Variants in SCMH1 observed in about 807,000 individuals in gnomAD.
SCMH1 encodes Scm polycomb group protein homolog 1.
Under a neutral mutation model 70.8 loss-of-function variants are expected in SCMH1, and 37 were observed. The observed-to-expected ratio is 0.52, with a 90% CI of 0.40 to 0.69. SCMH1 has a LOEUF of 0.69. SCMH1 is among the 30% of genes least tolerant of loss of function. SCMH1 has a pLI of 0.00. For synonymous variants in SCMH1, 292 were observed against 307.4 expected, an observed-to-expected ratio of 0.95 and a Z score of 0.52; for missense variants, 607 against 827.3, an observed-to-expected ratio of 0.73 and a Z score of 3.27.
At chr1:41,183,914 G>T (rs1023509390) in intron 2 of SCMH1, among the ~76,000 whole-genome samples, 3 of 152,058 alleles carry the variant, frequency 2.0e-5, no homozygotes, top group Non-Finnish European at 4.4e-5. Context: ...AGATTTACCA[G>T]TTCAGTCATG....
At chr1:41,137,584 A>C (rs553481876) in intron 6 of SCMH1, among the ~76,000 whole-genome samples, 1 of 152,302 alleles carries the variant, frequency 6.6e-6, no homozygotes, top group South Asian at 2.1e-4. Context: ...ATCTCTTTCT[A>C]AGCAGCAGCA....
intron 1 of SCMH1, among the ~76,000 whole-genome samples, chr1:41,213,097 T>G (rs1657387190): frequency 6.6e-6 from 1 of 152,122 alleles, no homozygotes; most frequent in African/African-American, 2.4e-5. Context: ...GTAAATAAAA[T>G]TCATCAGAGG....
chr1:41,146,792 C>T (rs1644620057), intron 5 of SCMH1, among the ~76,000 whole-genome samples: 1 of 152,078 alleles, frequency 6.6e-6, no homozygotes, highest in Non-Finnish European at 1.5e-5. Flanking sequence ...TATCGTTAAG[C>T]AATGCAAAAC....
At chr1:41,112,038 C>G (rs1669368536) in intron 8 of SCMH1, among the ~76,000 whole-genome samples, 1 of 152,022 alleles carries the variant, frequency 6.6e-6, no homozygotes. Flanking sequence ...ACAAAAAAAA[C>G]CCTTTACAAT....
At chr1:41,061,190 A>G (rs1339398899) in intron 10 of SCMH1, among the ~76,000 whole-genome samples, 1 of 152,218 alleles carries the variant, frequency 6.6e-6, no homozygotes, top group East Asian at 1.9e-4. Context: ...CCCTTCCCCA[A>G]AACTAAACTG....
chr1:41,081,404 A>C (rs1442970609), intron 8 of SCMH1, among the ~76,000 whole-genome samples: 1 of 152,258 alleles, frequency 6.6e-6, no homozygotes, highest in Non-Finnish European at 1.5e-5. Context: ...TTTAATTCTA[A>C]ATTTTAATAG....
intron 5 of SCMH1, 83 bp from the exon 6 acceptor site, chr1:41,143,195 T>C: frequency 2.0e-6 from 2 of 1,000,608 alleles, no homozygotes; most frequent in Non-Finnish European, 3.1e-6. Context: ...TGGTTATAGC[T>C]GGGCCAGGGA....
intron 4 of SCMH1, among the ~76,000 whole-genome samples, chr1:41,158,627 G>T (rs893424656): frequency 6.6e-6 from 1 of 152,190 alleles, no homozygotes; most frequent in African/African-American, 2.4e-5. Context: ...TACAGATAAA[G>T]GCAGTGTTCA....
At chr1:41,031,979 T>C (rs1318136577) in intron 13 of SCMH1, among the ~76,000 whole-genome samples, 1 of 151,900 alleles carries the variant, frequency 6.6e-6, no homozygotes, top group Non-Finnish European at 1.5e-5. Context: ...AGAGCCCTCA[T>C]GAATGAGATT....
At chr1:41,054,516 C>A (rs901268034) in intron 10 of SCMH1, among the ~76,000 whole-genome samples, 2 of 152,122 alleles carry the variant, frequency 1.3e-5, no homozygotes, top group Non-Finnish European at 2.9e-5. Flanking sequence ...TAGAAAAGGA[C>A]AGTAAAATTC....
chr1:41,143,698 T>G (rs1244884451), intron 5 of SCMH1, among the ~76,000 whole-genome samples: 5 of 152,174 alleles, frequency 3.3e-5, no homozygotes, highest in African/African-American at 1.2e-4. Flanking sequence ...ATAATGAACA[T>G]GGCCATTATC....
intron 11 of SCMH1, among the ~76,000 whole-genome samples, chr1:41,047,692 G>A (rs190970445): frequency 2.0e-5 from 3 of 151,958 alleles, no homozygotes; most frequent in African/African-American, 4.8e-5. Context: ...GTGAGCCACC[G>A]CACCTGGCCA....
In SCMH1 at chr1:41,228,352, G is replaced by A. The variant is rs149318248; in HGVS notation, c.-118+13707C>T. Reference sequence around the variant, plus strand: ...GGAGATGGATGGTGATGAGGGTTGCGCAGCAATGTGACTATACTTAGTACT... The same window carrying A: ...GGAGATGGATGGTGATGAGGGTTGCACAGCAATGTGACTATACTTAGTACT... On this transcript the variant is annotated intron_variant, in intron 1 of 14. Transcript: ENST00000337495. Among the ~76,000 whole-genome samples, 135 of 152,248 alleles carry A rather than the reference G, an allele frequency of 8.9e-4. 1 individual carries two copies. In the Middle Eastern group the frequency reaches 0.017, roughly 19 times the overall value.
chr1:41,199,679 G>C (rs1252306824), intron 1 of SCMH1, among the ~76,000 whole-genome samples: 1 of 142,752 alleles, frequency 7.0e-6, no homozygotes, highest in East Asian at 2.3e-4. Flanking sequence ...TAAATATCAG[G>C]TACACATGGA....
chr1:41,060,966 T>C (rs537116607), intron 10 of SCMH1, among the ~76,000 whole-genome samples: 3 of 152,272 alleles, frequency 2.0e-5, no homozygotes, highest in Middle Eastern at 3.4e-3. Flanking sequence ...AGATTAAAGA[T>C]GTTAGCCACC....
intron 6 of SCMH1, among the ~76,000 whole-genome samples, chr1:41,129,183 G>C (rs1338759514): frequency 6.6e-6 from 1 of 151,908 alleles, no homozygotes; most frequent in African/African-American, 2.4e-5. Context: ...TGCATGCCTG[G>C]TAATTTTTTT....
intron 1 of SCMH1, among the ~76,000 whole-genome samples, chr1:41,205,550 A>T (rs1328287073): frequency 4.6e-5 from 7 of 152,200 alleles, no homozygotes; most frequent in Non-Finnish European, 8.8e-5. Flanking sequence ...GGCATCTGCC[A>T]TTGCTGAGGC....
chr1:41,174,787 G>T (rs1388213078), intron 2 of SCMH1, among the ~76,000 whole-genome samples: 1 of 152,090 alleles, frequency 6.6e-6, no homozygotes, highest in Admixed American at 6.5e-5. Flanking sequence ...TGTAACAAAA[G>T]TTGTATTGAC....
chr1:41,218,255 G>T (rs1658514824), intron 1 of SCMH1, among the ~76,000 whole-genome samples: 1 of 152,174 alleles, frequency 6.6e-6, no homozygotes, highest in Admixed American at 6.5e-5. Flanking sequence ...GTGTTAAATT[G>T]TGTCCCTAAA....
Sources: gnomAD v4.1 joint callset for allele counts (sites outside exome capture counted in the v4.1 genomes callset) on GRCh38, gnomAD v4.1.1 for gene constraint, MANE v1.5 for transcripts, NCBI Gene and HGNC (gene_info 2026-07-23, HGNC 2026-07-21) for gene names.